ROBO2: variants seen among roughly 807,000 people sequenced by gnomAD.
The protein encoded by ROBO2 is roundabout homolog 2.
ROBO2 carries 53 observed loss-of-function variants against 160.8 expected under a neutral mutation model. That is an observed-to-expected ratio of 0.33 (90% CI 0.26 to 0.41). The LOEUF is 0.41. Among genes scored for constraint, ROBO2 ranks in the 10% least tolerant of loss-of-function variants. The pLI, the probability that ROBO2 is intolerant of heterozygous loss-of-function variation, is 1.00. For missense variants in ROBO2, 1,577 were observed against 1,722.4 expected, an observed-to-expected ratio of 0.92 and a Z score of 1.49; for synonymous variants, 664 against 611.7, an observed-to-expected ratio of 1.09 and a Z score of -1.26.
intron 2 of ROBO2, among the ~76,000 whole-genome samples, chr3:76,711,408 G>A (rs2093291534): frequency 6.6e-6 from 1 of 152,160 alleles, no homozygotes; most frequent in Non-Finnish European, 1.5e-5. Context: ...ACAACGAAAC[G>A]TGAGATTTGG....
intron 2 of ROBO2, among the ~76,000 whole-genome samples, chr3:77,393,438 A>C (rs963109360): frequency 6.6e-6 from 1 of 151,974 alleles, no homozygotes; most frequent in Non-Finnish European, 1.5e-5. Context: ...TGTATATGCT[A>C]AAATGTTGTT....
At chr3:76,344,551 A>G (rs2074411527) in intron 2 of ROBO2, among the ~76,000 whole-genome samples, 1 of 152,288 alleles carries the variant, frequency 6.6e-6, no homozygotes, top group African/African-American at 2.4e-5. Context: ...AGTTATTTGT[A>G]GTAGTCTATG....
At chr3:76,185,215 T>TATATATAGATATATATATATATATATAC in intron 2 of ROBO2, among the ~76,000 whole-genome samples, 1,704 of 90,226 alleles carry the variant, frequency 0.019, 67 homozygotes, top group African/African-American at 0.054. Flanking sequence ...TATATATATA[T>TATATATAGATATATATATATATATATAC]ACACACACAA....
intron 2 of ROBO2, among the ~76,000 whole-genome samples, chr3:75,972,475 A>G (rs1364794291): frequency 6.6e-6 from 1 of 151,694 alleles, no homozygotes; most frequent in East Asian, 2.0e-4. Context: ...AATGGATGGC[A>G]TCTTGAAAGA....
chr3:77,375,506 G>A (rs775379858), intron 2 of ROBO2, among the ~76,000 whole-genome samples: 50 of 152,064 alleles, frequency 3.3e-4, no homozygotes, highest in Admixed American at 6.6e-4. Context: ...TACACATGAC[G>A]ATTTCACTTG....
intron 2 of ROBO2, among the ~76,000 whole-genome samples, chr3:76,004,748 A>G (rs1251761192): frequency 6.6e-6 from 1 of 152,224 alleles, no homozygotes; most frequent in East Asian, 1.9e-4. Context: ...ATTTCAGGAG[A>G]ATATAAAAAT....
At position 75,989,346 on chromosome 3, in the gene ROBO2, G is replaced by A. The variant is rs571319766; in HGVS notation, c.109+51744G>A. Among the ~76,000 whole-genome samples, 58 of 152,180 alleles carry A rather than the reference G, an allele frequency of 3.8e-4. 1 individual carries two copies. The highest frequency in any genetic ancestry group is 1.3e-3 in the African/African-American group (53 of 41,540). On this transcript the variant is annotated intron_variant, in intron 2 of 26. Coordinates refer to the ROBO2 transcript ENST00000487694. ...TTGGCCAGGCTGGTCTCGAACTCCT[G>A]ACCTCATGATCCACCTGCCTCAGCC...
At chr3:76,022,217 C>T (rs994327568) in intron 2 of ROBO2, among the ~76,000 whole-genome samples, 1 of 151,746 alleles carries the variant, frequency 6.6e-6, no homozygotes, top group African/African-American at 2.4e-5. Flanking sequence ...CTTGCTGTTT[C>T]CACCACATCT....
intron 2 of ROBO2, among the ~76,000 whole-genome samples, chr3:76,349,119 G>A (rs2074716870): frequency 6.6e-6 from 1 of 152,088 alleles, no homozygotes; most frequent in Non-Finnish European, 1.5e-5. Flanking sequence ...CTCTGCATAA[G>A]TGTCTATTCC....
chr3:77,569,554 T>A (rs991480211), intron 13 of ROBO2, among the ~76,000 whole-genome samples: 3 of 152,034 alleles, frequency 2.0e-5, no homozygotes, highest in African/African-American at 4.8e-5. Flanking sequence ...ATACTCTATT[T>A]TGTTTGTCTT....
At chr3:77,451,687 C>G (rs770441763) in intron 2 of ROBO2, among the ~76,000 whole-genome samples, 1 of 152,050 alleles carries the variant, frequency 6.6e-6, no homozygotes, top group Non-Finnish European at 1.5e-5. Flanking sequence ...CTCCCCTCTC[C>G]TGCCCTTTGA....
At chr3:76,560,725 C>T (rs1162368943) in intron 2 of ROBO2, among the ~76,000 whole-genome samples, 1 of 150,542 alleles carries the variant, frequency 6.6e-6, no homozygotes, top group Non-Finnish European at 1.5e-5. Flanking sequence ...TATTCTAAGG[C>T]TTTTCTTCAA....
At chr3:76,316,453 G>A (rs1047893265) in intron 2 of ROBO2, among the ~76,000 whole-genome samples, 16 of 151,976 alleles carry the variant, frequency 1.1e-4, no homozygotes, top group African/African-American at 2.4e-4. Flanking sequence ...AAATATGGCT[G>A]TATTCTGCCC....
intron 2 of ROBO2, among the ~76,000 whole-genome samples, chr3:76,615,963 C>T (rs911647884): frequency 4.6e-5 from 7 of 152,210 alleles, no homozygotes; most frequent in South Asian, 2.1e-4. Flanking sequence ...GATGAGTCCT[C>T]CTGAGTCCTA....
chr3:76,749,482 T>C (rs2093945094), intron 2 of ROBO2, among the ~76,000 whole-genome samples: 1 of 152,036 alleles, frequency 6.6e-6, no homozygotes, highest in South Asian at 2.1e-4. Flanking sequence ...TGTTCTCAGC[T>C]GCTCATGATC....
At chr3:77,441,604 G>A (rs1375115157) in intron 2 of ROBO2, among the ~76,000 whole-genome samples, 1 of 152,040 alleles carries the variant, frequency 6.6e-6, no homozygotes, top group Admixed American at 6.6e-5. Context: ...TACTGCATAA[G>A]AAATCAGTGT....
intron 2 of ROBO2, among the ~76,000 whole-genome samples, chr3:76,073,271 T>C (rs1186596028): frequency 6.0e-4 from 4 of 6,640 alleles, no homozygotes; most frequent in African/African-American, 8.1e-4. Flanking sequence ...AGTATTCTTT[T>C]TTTTTTTTTT....
chr3:76,098,576 A>T (rs1366371918), intron 2 of ROBO2, among the ~76,000 whole-genome samples: 3 of 151,720 alleles, frequency 2.0e-5, no homozygotes, highest in Non-Finnish European at 4.4e-5. Flanking sequence ...AATATGAAAA[A>T]ATAACAATTC....
intron 2 of ROBO2, among the ~76,000 whole-genome samples, chr3:76,326,672 G>C (rs1191392779): frequency 1.3e-5 from 2 of 151,314 alleles, no homozygotes; most frequent in Non-Finnish European, 2.9e-5. Flanking sequence ...ACATTGTGCA[G>C]GTTAGTTACA....
Sources: gnomAD v4.1 joint callset for allele counts (sites outside exome capture counted in the v4.1 genomes callset) on GRCh38, gnomAD v4.1.1 for gene constraint, MANE v1.5 for transcripts, NCBI Gene and HGNC (gene_info 2026-07-23, HGNC 2026-07-21) for gene names.